Variants in PCCA observed in about 807,000 individuals in gnomAD.
PCCA encodes propionyl-CoA carboxylase subunit alpha.
PCCA carries 74 observed loss-of-function variants against 101.3 expected under a neutral mutation model. That is an observed-to-expected ratio of 0.73 (90% confidence interval 0.61 to 0.89). The LOEUF (loss-of-function observed/expected upper bound fraction) is 0.89, where lower values mean the gene tolerates loss of function less well. Ranked by LOEUF, PCCA falls within the 40% of genes least tolerant of loss-of-function variation. The pLI, the probability that PCCA is intolerant of heterozygous loss-of-function variation, is 0.00. For synonymous variants in PCCA, 294 were observed against 313.6 expected (o/e 0.94, Z 0.66); for missense variants, 891 against 907.0 (o/e 0.98, Z 0.23).
chr13:100,507,640 G>C (rs2152993016), intron 21 of PCCA, among the ~76,000 whole-genome samples: 1 of 152,272 alleles, frequency 6.6e-6, no homozygotes, highest in South Asian at 2.1e-4. Context: ...GCTGGGTCTA[G>C]TGTTTAATTT....
At chr13:100,270,435 A>T (rs985638731) in intron 11 of PCCA, among the ~76,000 whole-genome samples, 18 of 152,048 alleles carry the variant, frequency 1.2e-4, no homozygotes, top group African/African-American at 4.1e-4. Flanking sequence ...TTCAATTAAC[A>T]CTCTGTTTTT....
intron 4 of PCCA, among the ~76,000 whole-genome samples, chr13:100,128,577 G>C (rs565251634): frequency 6.6e-6 from 1 of 152,088 alleles, no homozygotes; most frequent in Non-Finnish European, 1.5e-5. Flanking sequence ...GGATGAGAAG[G>C]AGTCAGCCAG....
chr13:100,462,956 T>C (rs1272548644), intron 21 of PCCA, among the ~76,000 whole-genome samples: 2 of 152,204 alleles, frequency 1.3e-5, no homozygotes, highest in East Asian at 1.9e-4. Context: ...TTTCAGTGTT[T>C]ATAGCTCATG....
chr13:100,398,522 A>T (rs562525720), intron 19 of PCCA, among the ~76,000 whole-genome samples: 5 of 152,292 alleles, frequency 3.3e-5, no homozygotes, highest in African/African-American at 1.2e-4. Context: ...TTTTGCTTAG[A>T]TCTCTTGATT....
chr13:100,091,460 A>G (rs891983257), intron 1 of PCCA, among the ~76,000 whole-genome samples: 1 of 152,282 alleles, frequency 6.6e-6, no homozygotes, highest in East Asian at 1.9e-4. Context: ...GCCGGTAAAG[A>G]ATTCCTCCTT....
rs552274706 is a variant in PCCA at position 100,444,550 on chromosome 13, C to T, written c.1846-4702C>T. Among the ~76,000 whole-genome samples the T allele has an allele frequency of 8.0e-5, 12 of 149,298 alleles. No homozygotes were observed. The East Asian group carries it at 2.4e-3, about 30-fold the overall frequency. On this transcript the variant is annotated intron_variant, in intron 20 of 23. Transcript: ENST00000376285. ...CTCTGCCTCCCGGGTTCACGCCATTCTCCTGCCTCAGCCTCCCGAGTAGCT... is the reference window on the plus strand; with the variant it reads ...CTCTGCCTCCCGGGTTCACGCCATTTTCCTGCCTCAGCCTCCCGAGTAGCT...
intron 19 of PCCA, among the ~76,000 whole-genome samples, chr13:100,423,373 A>T (rs574640321): frequency 6.6e-6 from 1 of 152,184 alleles, no homozygotes; most frequent in Non-Finnish European, 1.5e-5. Flanking sequence ...CCTTTGGCCT[A>T]TACTTCCATC....
chr13:100,384,735 G>A (rs533769934), intron 19 of PCCA, among the ~76,000 whole-genome samples: 1 of 152,222 alleles, frequency 6.6e-6, no homozygotes, highest in South Asian at 2.1e-4. Context: ...AGTAAACAAG[G>A]TGAGTTAACT....
At chr13:100,520,232 A>G (rs1383243155) in intron 22 of PCCA, among the ~76,000 whole-genome samples, 3 of 152,254 alleles carry the variant, frequency 2.0e-5, no homozygotes, top group African/African-American at 7.2e-5. Context: ...TACATATAAC[A>G]TGAACTTCCC....
At chr13:100,323,343 A>G (rs1186115755) in intron 16 of PCCA, among the ~76,000 whole-genome samples, 1 of 151,446 alleles carries the variant, frequency 6.6e-6, no homozygotes, top group Non-Finnish European at 1.5e-5. Context: ...TTTTTTTGAG[A>G]CAGAGTCTCA....
chr13:100,105,844 C>CAAAAAAAAAAAAAAAAA (rs71114671), intron 2 of PCCA, among the ~76,000 whole-genome samples: 1 of 62,506 alleles, frequency 1.6e-5, no homozygotes, highest in Non-Finnish European at 2.7e-5. Flanking sequence ...GATCCTGTCT[C>CAAAAAAAAAAAAAAAAA]AAAAAAAAAA....
chr13:100,461,434 G>A lies in PCCA; in HGVS notation c.1899+12129G>A, dbSNP rs532323356. On this transcript the variant is annotated intron_variant, in intron 21 of 23. Transcript: ENST00000376285. ...AATTTAACTAATTAAAAAATGAAAA[G>A]AATTAAGTTTGTTACTGTTTTTCTT... Among the ~76,000 whole-genome samples, 7 of 152,310 alleles carry A rather than the reference G, an allele frequency of 4.6e-5. No individual in the cohort carries two copies. In the East Asian group the frequency reaches 1.4e-3, roughly 29 times the overall value.
rs570348728 is a variant in PCCA at position 100,331,818 on chromosome 13, C to T, written c.1540+1147C>T. ...GTTTAATGAGGCTAAGAACCCCTTACGTCATTGCTTTTCATTTTATCCCTA... is the reference window on the plus strand; with the variant it reads ...GTTTAATGAGGCTAAGAACCCCTTATGTCATTGCTTTTCATTTTATCCCTA... On this transcript the variant is annotated intron_variant, in intron 17 of 23. Coordinates refer to ENST00000376285, the MANE Select transcript of PCCA (RefSeq NM_000282.4). Among the ~76,000 whole-genome samples, 42 of 149,954 alleles carry T rather than the reference C, an allele frequency of 2.8e-4. 1 individual carries two copies. Among genetic ancestry groups the T allele is most frequent in the South Asian group, 6.3e-4 (3 of 4,754 alleles).
rs368929496 is a variant in PCCA, at chr13:100,262,049, A to G, written c.717-680A>G. Among the ~76,000 whole-genome samples, 149 of 152,222 alleles carry G rather than the reference A, an allele frequency of 9.8e-4. 4 individuals are homozygous for G. The South Asian group carries it at 0.028, about 29-fold the overall frequency. On this transcript the variant is annotated intron_variant, in intron 9 of 23. Transcript: ENST00000376285. Reference sequence around the variant, plus strand: ...TTTGCTAGTGGAATTAAGGTATATTATGGTTGAAGAAATGGAATTAATTTT... The same window carrying G: ...TTTGCTAGTGGAATTAAGGTATATTGTGGTTGAAGAAATGGAATTAATTTT...
rs183903534 is a variant in PCCA at position 100,186,958 on chromosome 13, G to A, written c.469-22374G>A. ...TTCAAAATTTTCAATGGATAATTGA[G>A]AATTAATTGCAATGATGAAACATAT... is the stretch of plus-strand genomic sequence containing the variant. On this transcript the variant is annotated intron_variant, in intron 6 of 23. Coordinates refer to ENST00000376285, the MANE Select transcript of PCCA (RefSeq NM_000282.4). Among the ~76,000 whole-genome samples the A allele has an allele frequency of 2.3e-4, 35 of 152,262 alleles. No homozygotes were observed. The East Asian group carries it at 6.6e-3, about 29-fold the overall frequency.
At chr13:100,429,118 G>C (rs531105477) in intron 20 of PCCA, among the ~76,000 whole-genome samples, 3 of 151,968 alleles carry the variant, frequency 2.0e-5, no homozygotes, top group Non-Finnish European at 4.4e-5. Context: ...TGTGCAGAAG[G>C]GATCTGCAAG....
At chr13:100,288,937 A>G (rs2064911135) in intron 12 of PCCA, among the ~76,000 whole-genome samples, 2 of 152,174 alleles carry the variant, frequency 1.3e-5, no homozygotes, top group Admixed American at 6.5e-5. Context: ...GGAATCTGCA[A>G]CCAGCTTCTT....
chr13:100,320,823 C>T (rs151037702), intron 16 of PCCA, among the ~76,000 whole-genome samples: 56 of 152,292 alleles, frequency 3.7e-4, no homozygotes, highest in African/African-American at 1.3e-3. Context: ...ACAATTATAG[C>T]TCACTGCAGC....
chr13:100,506,403 G>A (rs1297565420), intron 21 of PCCA, among the ~76,000 whole-genome samples: 3 of 151,734 alleles, frequency 2.0e-5, no homozygotes, highest in African/African-American at 4.8e-5. Context: ...GGGCGGCGGG[G>A]GTTTCAGTTG....
Sources: allele counts gnomAD v4.1 joint callset (sites outside exome capture counted in the v4.1 genomes callset), GRCh38; gene constraint gnomAD v4.1.1; transcripts MANE v1.5; gene names NCBI Gene and HGNC (gene_info 2026-07-23, HGNC 2026-07-21).